CEP43: variants seen among roughly 807,000 people sequenced by gnomAD.
CEP43 encodes the protein centrosomal protein 43, also known as FGFR1 oncogene partner.
A neutral mutation model predicts 52.6 loss-of-function variants in CEP43; 36 were observed. The ratio of observed to expected loss-of-function variants is 0.68; its 90% CI spans 0.52 to 0.90. The LOEUF (loss-of-function observed/expected upper bound fraction) is 0.90, where lower values mean the gene tolerates loss of function less well. Among genes scored for constraint, CEP43 ranks in the 40% least tolerant of loss-of-function variants. The pLI, the probability that CEP43 is intolerant of heterozygous loss-of-function variation, is 0.00. For synonymous variants in CEP43, 192 were observed against 172.4 expected, an observed-to-expected ratio of 1.11 and a Z score of -0.89; for missense variants, 506 against 472.8, an observed-to-expected ratio of 1.07 and a Z score of -0.65.
chr6:167,008,518 G>A (rs534789101), intron 5 of CEP43, among the ~76,000 whole-genome samples: 1 of 151,924 alleles, frequency 6.6e-6, no homozygotes, highest in Non-Finnish European at 1.5e-5. Context: ...AGGCTGGAGT[G>A]CAGCGGCAAG....
In CEP43 at chr6:167,035,833, C is replaced by T. The variant is rs747903622; in HGVS notation, c.1125+1862C>T. On this transcript the variant is annotated intron_variant, in intron 12 of 12. Transcript: ENST00000366847. ...CTGCCTGCCTCGGCCTCCCAAAGTG[C>T]TGGGATTACAGGCGTGAGCCACCGC... Among the ~76,000 whole-genome samples, 4 of 152,274 alleles carry T rather than the reference C, an allele frequency of 2.6e-5. No individual in the cohort carries two copies. The East Asian group carries it at 5.8e-4, about 22-fold the overall frequency.
At chr6:167,038,308 T>C (rs1780624482) in intron 12 of CEP43, among the ~76,000 whole-genome samples, 2 of 148,596 alleles carry the variant, frequency 1.3e-5, no homozygotes, top group Non-Finnish European at 3.0e-5. Flanking sequence ...CCCTTCTGTT[T>C]TCACTTCATG....
intron 7 of CEP43, among the ~76,000 whole-genome samples, chr6:167,014,968 A>G (rs1270434878): frequency 1.3e-5 from 2 of 152,190 alleles, no homozygotes; most frequent in Non-Finnish European, 2.9e-5. Context: ...TTATAATCTT[A>G]CTGCTATTGT....
Position 167,036,882 on chromosome 6 carries a change from A to G in CEP43, c.1125+2911A>G, listed in dbSNP as rs572024259. The G allele has an allele frequency of 4.0e-5, 19 of 473,288 alleles. No individual in the cohort carries two copies. The South Asian group carries it at 1.3e-3, about 32-fold the overall frequency. The allele number at this position is 473,288 out of a possible 1,614,324, so 29.3% of individuals were successfully genotyped here. A position where few individuals can be genotyped will look rare whatever the true frequency, so the allele number is the denominator to read the frequency against. ...GAGTGCAATGGCTGGATCTTGGCTC[A>G]TTGCAGCCTCTGCCTCCTGGGATCA... is the stretch of plus-strand genomic sequence containing the variant. On this transcript the variant is annotated intron_variant, in intron 12 of 12. Coordinates refer to ENST00000366847, the MANE Select transcript of CEP43 (RefSeq NM_007045.4).
At chr6:167,036,965 C>T (rs112351919) in intron 12 of CEP43, 14,144 of 159,454 alleles carry the variant, frequency 0.089, 812 homozygotes, top group African/African-American at 0.15. Context: ...CCACCATGCC[C>T]GGCTAGTTTT....
Position 166,999,528 on chromosome 6 carries a change from C to A in CEP43, c.102+14C>A. 2 of 1,418,540 alleles carry A rather than the reference C, an allele frequency of 1.4e-6. No homozygotes were observed. The highest frequency in any genetic ancestry group is 1.9e-6 in the Non-Finnish European group (2 of 1,077,000). The allele number at this position is 1,418,540 out of a possible 1,614,324, so 87.9% of individuals were successfully genotyped here. A position where few individuals can be genotyped will look rare whatever the true frequency, so the allele number is the denominator to read the frequency against. On this transcript the variant is annotated intron_variant, in intron 1 of 12. Coordinates refer to ENST00000366847, the MANE Select transcript of CEP43 (RefSeq NM_007045.4). The stretch of plus-strand genomic sequence containing the variant: ...AACCGCATCAAGGTGAGGCCGGAGG[C>A]TGGGGCCGGGCCTGGCGGATCCGCA...
intron 12 of CEP43, among the ~76,000 whole-genome samples, chr6:167,039,112 G>C (rs2128668816): frequency 6.6e-6 from 1 of 152,196 alleles, no homozygotes; most frequent in African/African-American, 2.4e-5. Flanking sequence ...CATCCAGGTT[G>C]CTGCAAATTC....
rs757190216 is a variant in CEP43 at position 167,040,045 on chromosome 6, C to G, written c.*67C>G. ...TGACCGGTTCCATTTTTTTTTTTTC[C>G]AGACAATCACTCAGCTGGAATGTCT... On this transcript the variant is annotated 3_prime_UTR_variant, in exon 13 of 13. Coordinates refer to ENST00000366847, the MANE Select transcript of CEP43 (RefSeq NM_007045.4). The G allele has an allele frequency of 1.3e-6, 2 of 1,568,940 alleles. No homozygotes were observed. The highest frequency in any genetic ancestry group is 1.7e-6 in the Non-Finnish European group (2 of 1,149,594).
intron 5 of CEP43, among the ~76,000 whole-genome samples, chr6:167,004,920 C>A (rs1361719811): frequency 1.3e-5 from 2 of 152,200 alleles, no homozygotes; most frequent in East Asian, 1.9e-4. Context: ...TGTTTAGAAA[C>A]AGTTCAAACT....
chr6:167,029,253 G>A (rs1031249583), intron 10 of CEP43, among the ~76,000 whole-genome samples: 4 of 152,232 alleles, frequency 2.6e-5, no homozygotes, highest in African/African-American at 9.6e-5. Context: ...GGTATGGGAT[G>A]GGGAGGAGAG....
At chr6:167,012,253 T>G (rs1397864057) in intron 6 of CEP43, among the ~76,000 whole-genome samples, 1 of 152,230 alleles carries the variant, frequency 6.6e-6, no homozygotes, top group Non-Finnish European at 1.5e-5. Flanking sequence ...TTGTTTAAGT[T>G]TGGAAAACTA....
intron 7 of CEP43, among the ~76,000 whole-genome samples, chr6:167,017,586 CTTTT>C (rs776739102): frequency 2.3e-5 from 3 of 131,540 alleles, no homozygotes. Flanking sequence ...GAAAAAAATT[CTTTT>C]TTTTTTTTTT....
chr6:167,049,865 C>G lies in CEP43; in HGVS notation c.*9887C>G, dbSNP rs371488655. On this transcript the variant is annotated 3_prime_UTR_variant, in exon 13 of 13. Coordinates refer to ENST00000366847, the MANE Select transcript of CEP43 (RefSeq NM_007045.4). Reference sequence around the variant, plus strand: ...AGCTTCCAGTTTCTCCACATCATCACGAATACTCCTTATTCTCTCTCTTTT... The same window carrying G: ...AGCTTCCAGTTTCTCCACATCATCAGGAATACTCCTTATTCTCTCTCTTTT... 1 of 152,212 alleles carries G rather than the reference C, an allele frequency of 6.6e-6. No individual in the cohort carries two copies. Among genetic ancestry groups the G allele is most frequent in the Admixed American group, 6.5e-5 (1 of 15,284 alleles). 9.4% of individuals were successfully genotyped at this position (152,212 alleles called of 1,614,324 possible).
chr6:167,027,014 A>T lies in CEP43; in HGVS notation c.988+399A>T, dbSNP rs182107912. On this transcript the variant is annotated intron_variant, in intron 10 of 12. Transcript: ENST00000366847. ...GTGCAGAAGCTTCATGGTTAAGTACATGTATAAGAGAGAAGGGAAGATATT... is the reference window on the plus strand; with the variant it reads ...GTGCAGAAGCTTCATGGTTAAGTACTTGTATAAGAGAGAAGGGAAGATATT... Among the ~76,000 whole-genome samples, 44 of 152,360 alleles carry T rather than the reference A, an allele frequency of 2.9e-4. No homozygotes were observed. The East Asian group carries it at 6.5e-3, about 23-fold the overall frequency.
intron 8 of CEP43, among the ~76,000 whole-genome samples, chr6:167,024,539 C>T (rs1780311041): frequency 6.6e-6 from 1 of 152,140 alleles, no homozygotes; most frequent in Non-Finnish European, 1.5e-5. Flanking sequence ...TAGTTTATAT[C>T]AAACAGAATT....
chr6:167,013,640 G>C, intron 7 of CEP43, 73 bp downstream of exon 7: 10 of 1,205,932 alleles, frequency 8.3e-6, no homozygotes, highest in Non-Finnish European at 1.2e-5. Flanking sequence ...CTCCTGGAGC[G>C]CTGGGCTCCT....
At chr6:167,035,961 T>C in intron 12 of CEP43, 1 of 657,266 alleles carries the variant, frequency 1.5e-6, no homozygotes. Flanking sequence ...AGCATATAGC[T>C]CAGTGCTTAG....
At chr6:167,031,906 T>C (rs1208403532) in intron 10 of CEP43, among the ~76,000 whole-genome samples, 1 of 152,180 alleles carries the variant, frequency 6.6e-6, no homozygotes, top group African/African-American at 2.4e-5. Flanking sequence ...TGGTGCACTT[T>C]GAGAAACTGG....
intron 7 of CEP43, among the ~76,000 whole-genome samples, chr6:167,018,218 G>T (rs1358893777): frequency 6.6e-6 from 1 of 152,140 alleles, no homozygotes; most frequent in African/African-American, 2.4e-5. Context: ...TCTTTGAATG[G>T]ACTCATCTTA....
Sources: allele counts gnomAD v4.1 joint callset (sites outside exome capture counted in the v4.1 genomes callset), GRCh38; gene constraint gnomAD v4.1.1; transcripts MANE v1.5; gene names NCBI Gene and HGNC (gene_info 2026-07-23, HGNC 2026-07-21).